Variants in UGGT2 observed in about 807,000 individuals in gnomAD.
UGGT2 encodes UDP-glucose glycoprotein glucosyltransferase 2, also known as UDP-glucose:glycoprotein glucosyltransferase 2.
In UGGT2, 180 loss-of-function variants were observed where a neutral mutation model predicts 192.1. The observed-to-expected ratio is 0.94, with a 90% CI of 0.83 to 1.06. The LOEUF (loss-of-function observed/expected upper bound fraction) is 1.06. Ranked by LOEUF, UGGT2 falls within the 50% of genes least tolerant of loss-of-function variation. UGGT2 has a pLI of 0.00. For missense variants in UGGT2, 1,849 were observed against 1,795.7 expected (o/e 1.03, Z -0.54); for synonymous variants, 580 against 591.0 (o/e 0.98, Z 0.27).
chr13:95,863,872 C>T (rs949147524), intron 30 of UGGT2, among the ~76,000 whole-genome samples, 158 bp from the exon 31 acceptor site: 1 of 152,156 alleles, frequency 6.6e-6, no homozygotes, highest in African/African-American at 2.4e-5. Context: ...ATGTTGTAAA[C>T]AATCTGGTCT....
intron 20 of UGGT2, among the ~76,000 whole-genome samples, chr13:95,923,653 C>CA (rs1310665176): frequency 3.3e-5 from 5 of 151,918 alleles, no homozygotes; most frequent in Admixed American, 2.6e-4. Context: ...CCAACAGTAG[C>CA]AAAAAAACAA....
chr13:95,896,437 C>T (rs940272249), intron 22 of UGGT2, among the ~76,000 whole-genome samples: 5 of 151,890 alleles, frequency 3.3e-5, no homozygotes, highest in Non-Finnish European at 5.9e-5. Context: ...TGTCTTAAGA[C>T]GTGATATAAT....
intron 38 of UGGT2, among the ~76,000 whole-genome samples, chr13:95,832,264 G>T (rs1386840252): frequency 1.3e-5 from 2 of 151,954 alleles, no homozygotes; most frequent in African/African-American, 4.8e-5. Flanking sequence ...GGTTTTTTAA[G>T]AAAGAGTGAA....
At chr13:96,002,457 T>C (rs1225018377) in intron 5 of UGGT2, among the ~76,000 whole-genome samples, 2 of 152,226 alleles carry the variant, frequency 1.3e-5, no homozygotes, top group South Asian at 2.1e-4. Context: ...TCTCTGAGAA[T>C]AAGGAATGTT....
intron 20 of UGGT2, among the ~76,000 whole-genome samples, chr13:95,915,252 C>T (rs2048644989): frequency 6.6e-6 from 1 of 152,172 alleles, no homozygotes; most frequent in South Asian, 2.1e-4. Flanking sequence ...GCGTATCCTG[C>T]CAACTTTATT....
chr13:95,963,892 G>C (rs1044384528), intron 12 of UGGT2, among the ~76,000 whole-genome samples: 2 of 152,040 alleles, frequency 1.3e-5, no homozygotes, highest in Non-Finnish European at 2.9e-5. Context: ...CATGCTCATG[G>C]TTCAGATAAA....
intron 26 of UGGT2, 57 bp from the exon 27 acceptor site, chr13:95,884,737 A>G: frequency 6.7e-7 from 1 of 1,490,600 alleles, no homozygotes; most frequent in Non-Finnish European, 9.0e-7. Flanking sequence ...TTTCTTTTAA[A>G]ATATTTTCAA....
At chr13:95,822,908 C>T (rs1177530417) in intron 38 of UGGT2, among the ~76,000 whole-genome samples, 2 of 151,980 alleles carry the variant, frequency 1.3e-5, no homozygotes, top group African/African-American at 4.8e-5. Flanking sequence ...TTCAGACTTT[C>T]TGATGTAGGC....
At chr13:95,902,522 A>AC (rs149878771) in intron 21 of UGGT2, among the ~76,000 whole-genome samples, 10,334 of 150,530 alleles carry the variant, frequency 0.069, 570 homozygotes, top group African/African-American at 0.15. Flanking sequence ...CATCGTTGAA[A>AC]CCCCCCCCAT....
intron 10 of UGGT2, among the ~76,000 whole-genome samples, chr13:95,974,837 T>C (rs1227641647): frequency 1.3e-5 from 2 of 152,154 alleles, no homozygotes; most frequent in Non-Finnish European, 2.9e-5. Context: ...ATCCCAGCAC[T>C]TTGGGAGGCT....
At chr13:95,855,930 G>A (rs974947288) in intron 34 of UGGT2, among the ~76,000 whole-genome samples, 4 of 152,086 alleles carry the variant, frequency 2.6e-5, no homozygotes, top group Non-Finnish European at 4.4e-5. Context: ...ACTTTAGAGA[G>A]AAAACTTCCA....
chr13:95,920,669 T>C (rs1173000464), intron 20 of UGGT2, among the ~76,000 whole-genome samples: 3 of 152,120 alleles, frequency 2.0e-5, no homozygotes, highest in Non-Finnish European at 4.4e-5. Flanking sequence ...AGAATGGCCA[T>C]TACTAAAAAG....
intron 16 of UGGT2, 60 bp downstream of exon 16, chr13:95,939,897 C>A: frequency 2.3e-6 from 3 of 1,330,210 alleles, no homozygotes; most frequent in South Asian, 2.7e-5. Flanking sequence ...GAGTAGAGAT[C>A]ATGTGGTGTT....
intron 38 of UGGT2, among the ~76,000 whole-genome samples, chr13:95,808,423 A>T (rs1884422718): frequency 6.6e-6 from 1 of 152,032 alleles, no homozygotes; most frequent in Non-Finnish European, 1.5e-5. Flanking sequence ...TTTTTTTTCT[A>T]CAAACAGGGA....
At chr13:95,834,711 A>G (rs1887101632) in intron 37 of UGGT2, among the ~76,000 whole-genome samples, 1 of 151,992 alleles carries the variant, frequency 6.6e-6, no homozygotes, top group Admixed American at 6.6e-5. Flanking sequence ...TTTCCTGGGT[A>G]TTGGTATTGC....
chr13:96,034,694 G>C (rs1455124816), intron 1 of UGGT2, among the ~76,000 whole-genome samples: 1 of 152,196 alleles, frequency 6.6e-6, no homozygotes, highest in Non-Finnish European at 1.5e-5. Flanking sequence ...TTCCACCACA[G>C]TGCCTGCAGT....
intron 12 of UGGT2, among the ~76,000 whole-genome samples, chr13:95,963,289 A>AG (rs905018651): frequency 4.1e-4 from 62 of 152,304 alleles, no homozygotes; most frequent in African/African-American, 1.2e-3. Context: ...CATCAATAGA[A>AG]GAAAAAAAAA....
intron 36 of UGGT2, among the ~76,000 whole-genome samples, chr13:95,846,477 T>A (rs972365196): frequency 7.9e-5 from 12 of 152,080 alleles, no homozygotes; most frequent in African/African-American, 2.9e-4. Context: ...CTAAATTTGA[T>A]TACTTAAAAC....
chr13:95,837,732 G>C (rs1321173169), intron 36 of UGGT2, among the ~76,000 whole-genome samples: 1 of 152,188 alleles, frequency 6.6e-6, no homozygotes, highest in East Asian at 1.9e-4. Context: ...CCTTTGGAGA[G>C]AATCAGACAA....
Sources: gnomAD v4.1 joint callset for allele counts (sites outside exome capture counted in the v4.1 genomes callset) on GRCh38, gnomAD v4.1.1 for gene constraint, MANE v1.5 for transcripts, NCBI Gene and HGNC (gene_info 2026-07-23, HGNC 2026-07-21) for gene names.